The following FRMD4B variants were observed in gnomAD, a reference collection of about 807,000 sequenced individuals.
The protein encoded by FRMD4B is FERM domain-containing protein 4B.
FRMD4B carries 74 observed loss-of-function variants against 141.5 expected under a neutral mutation model. The observed-to-expected ratio is 0.52, with a 90% confidence interval of 0.43 to 0.63. The LOEUF is 0.63. Ranked by LOEUF, FRMD4B falls within the 30% of genes least tolerant of loss-of-function variation. The pLI, the probability that FRMD4B is intolerant of heterozygous loss-of-function variation, is 0.00. For missense variants in FRMD4B, 1,366 were observed against 1,253.4 expected (o/e 1.09, Z -1.36); for synonymous variants, 506 against 467.9 (o/e 1.08, Z -1.05).
chr3:69,368,381 A>G (rs56653941), intron 1 of FRMD4B, among the ~76,000 whole-genome samples: 26,511 of 152,100 alleles, frequency 0.17, 2,561 homozygotes, highest in African/African-American at 0.24. Context: ...TACAACATCT[A>G]TTAGAACAGA....
At chr3:69,521,417 C>G (rs1396049348) in intron 1 of FRMD4B, among the ~76,000 whole-genome samples, 1 of 152,190 alleles carries the variant, frequency 6.6e-6, no homozygotes, top group Non-Finnish European at 1.5e-5. Context: ...TTTCCTAGAT[C>G]AAGCCACCAT....
At chr3:69,448,641 G>A (rs1705445787) in intron 1 of FRMD4B, among the ~76,000 whole-genome samples, 1 of 152,162 alleles carries the variant, frequency 6.6e-6, no homozygotes, top group Admixed American at 6.5e-5. Flanking sequence ...CATCATTTTC[G>A]GGGGCTTATT....
At position 69,540,634 on chromosome 3, in the gene FRMD4B, A is replaced by T. The variant is rs867521452; in HGVS notation, c.-129+1572T>A. The stretch of plus-strand genomic sequence containing the variant: ...TCTCTAAAAAAAAAAAAAAAAAAAA[A>T]AAATATATATATATATATATATATA... On this transcript the variant is annotated intron_variant, in intron 1 of 5. Coordinates refer to the FRMD4B transcript ENST00000459638. 8.3e-3 allele frequency among the ~76,000 whole-genome samples: 574 copies of T among 68,864 alleles called. 2 individuals are homozygous for T. Among genetic ancestry groups the T allele is most frequent in the African/African-American group, 0.032 (353 of 10,912 alleles). 45.2% of individuals were successfully genotyped at this position (68,864 alleles called of 152,430 possible). A position where few individuals can be genotyped will look rare whatever the true frequency, so the allele number is the denominator to read the frequency against.
At chr3:69,445,491 TA>T (rs1384900882) in intron 1 of FRMD4B, among the ~76,000 whole-genome samples, 2 of 152,312 alleles carry the variant, frequency 1.3e-5, no homozygotes, top group East Asian at 3.9e-4. Flanking sequence ...TCTCATTCAT[TA>T]AACCCCCTGC....
chr3:69,241,489 C>G (rs72929593), intron 7 of FRMD4B, among the ~76,000 whole-genome samples: 5,541 of 152,278 alleles, frequency 0.036, 364 homozygotes, highest in African/African-American at 0.13. Context: ...TTTGTTGATT[C>G]ATCAAAGGCC....
In FRMD4B at chr3:69,270,104, C is replaced by A. The variant is rs1315425890; in HGVS notation, c.501+17648G>T. ...TGATCATAGCTCACTGCAGCCTCAA[C>A]CTGCAGGCTCAAGCAATCCTCCTGC... On this transcript the variant is annotated intron_variant, in intron 5 of 22. Coordinates refer to ENST00000398540, the MANE Select transcript of FRMD4B (RefSeq NM_015123.3). Among the ~76,000 whole-genome samples the A allele has an allele frequency of 2.6e-5, 4 of 152,094 alleles. No individual in the cohort carries two copies. In the East Asian group the frequency reaches 7.7e-4, roughly 29 times the overall value.
intron 4 of FRMD4B, among the ~76,000 whole-genome samples, chr3:69,294,666 G>C (rs1160146992): frequency 6.6e-6 from 1 of 152,148 alleles, no homozygotes; most frequent in Non-Finnish European, 1.5e-5. Context: ...AAGAGCTGGA[G>C]GCCCAAAAGA....
At chr3:69,492,987 G>A (rs989083254) in intron 1 of FRMD4B, among the ~76,000 whole-genome samples, 1 of 152,142 alleles carries the variant, frequency 6.6e-6, no homozygotes, top group Non-Finnish European at 1.5e-5. Context: ...TCAGTCTCAG[G>A]TGCTCCATTA....
intron 11 of FRMD4B, among the ~76,000 whole-genome samples, chr3:69,206,160 T>C (rs6782869): frequency 0.088 from 13,328 of 152,132 alleles, 592 homozygotes; most frequent in Middle Eastern, 0.11. Flanking sequence ...GAGACCAGCC[T>C]GACCAATGGT....
chr3:69,309,095 C>A lies in FRMD4B; in HGVS notation c.323+2168G>T, dbSNP rs1228472056. Among the ~76,000 whole-genome samples the A allele has an allele frequency of 1.1e-4, 17 of 152,118 alleles. 1 individual carries two copies. ...TGAATCCTCGTGATATAGAACAACA[C>A]CTGGCATTGAGTGGGCATTCAAAAA... On this transcript the variant is annotated intron_variant, in intron 3 of 22. Transcript: ENST00000398540.
At chr3:69,427,643 GTTTTTTTTTTTT>G (rs774316609) in intron 2 of FRMD4B, among the ~76,000 whole-genome samples, 74 of 36,246 alleles carry the variant, frequency 2.0e-3, no homozygotes, top group African/African-American at 5.8e-3. Context: ...CTAGGTAAAT[GTTTTTTTTTTTT>G]TTTTTTTTTT....
chr3:69,416,705 C>G (rs759139953), intron 2 of FRMD4B, among the ~76,000 whole-genome samples: 3 of 152,064 alleles, frequency 2.0e-5, no homozygotes, highest in African/African-American at 7.2e-5. Context: ...TCCCCTTGCC[C>G]CCAACCTCCC....
intron 2 of FRMD4B, among the ~76,000 whole-genome samples, chr3:69,412,818 A>G (rs1704781107): frequency 6.7e-6 from 1 of 149,620 alleles, no homozygotes; most frequent in Non-Finnish European, 1.5e-5. Context: ...GAGACCTAAG[A>G]GAATTCCAAT....
intron 1 of FRMD4B, among the ~76,000 whole-genome samples, chr3:69,364,437 G>A (rs1311477980): frequency 6.6e-6 from 1 of 152,254 alleles, no homozygotes; most frequent in Admixed American, 6.5e-5. Flanking sequence ...TGGTATGCCA[G>A]TGGTGAGTGA....
At chr3:69,202,139 G>GT (rs968506782) in intron 11 of FRMD4B, among the ~76,000 whole-genome samples, 5 of 152,028 alleles carry the variant, frequency 3.3e-5, no homozygotes, top group Non-Finnish European at 7.4e-5. Flanking sequence ...GTAGGCGGAG[G>GT]TTGCAGTGAG....
chr3:69,349,364 G>A (rs193294104), intron 1 of FRMD4B, among the ~76,000 whole-genome samples: 25,370 of 152,144 alleles, frequency 0.17, 2,922 homozygotes, highest in African/African-American at 0.32. Flanking sequence ...CTCATGGATA[G>A]GAAGAATCAA....
chr3:69,239,013 G>T (rs1243482639), intron 7 of FRMD4B, among the ~76,000 whole-genome samples: 1 of 152,038 alleles, frequency 6.6e-6, no homozygotes, highest in Non-Finnish European at 1.5e-5. Flanking sequence ...AATTTAACTG[G>T]GCGTCCTATA....
chr3:69,364,015 G>A (rs1194533709), intron 1 of FRMD4B, among the ~76,000 whole-genome samples: 1 of 152,170 alleles, frequency 6.6e-6, no homozygotes, highest in Admixed American at 6.5e-5. Flanking sequence ...CTGGGTTAGA[G>A]ACCAATCAAT....
At chr3:69,456,102 C>G (rs888074233) in intron 1 of FRMD4B, among the ~76,000 whole-genome samples, 2 of 152,178 alleles carry the variant, frequency 1.3e-5, no homozygotes, top group South Asian at 4.1e-4. Flanking sequence ...CTTTCCATCA[C>G]TTATATAGGG....
Sources: gnomAD v4.1 joint callset for allele counts (sites outside exome capture counted in the v4.1 genomes callset) on GRCh38, gnomAD v4.1.1 for gene constraint, MANE v1.5 for transcripts, NCBI Gene and HGNC (gene_info 2026-07-23, HGNC 2026-07-21) for gene names.